Variants in GGACT observed in about 807,000 individuals in gnomAD.
GGACT encodes gamma-glutamylaminecyclotransferase.
For synonymous variants in GGACT, 118 were observed against 115.3 expected, an observed-to-expected ratio of 1.02 and a Z score of -0.15; for missense variants, 241 against 233.2, an observed-to-expected ratio of 1.03 and a Z score of -0.22.
intron 2 of GGACT, among the ~76,000 whole-genome samples, chr13:100,581,335 C>G: frequency 6.6e-6 from 1 of 152,168 alleles, no homozygotes; most frequent in East Asian, 1.9e-4. Flanking sequence ...TCTAGGGCAT[C>G]TAGCAATATT....
Position 100,530,233 on chromosome 13 carries a change from T to C in GGACT, c.*1897A>G. On this transcript the variant is annotated 3_prime_UTR_variant, in exon 3 of 3. Transcript: ENST00000683975. ...ATTTGCATGATGCTTTCACACACAA[T>C]TGATTCAAGCATTATACAGGAACAC... 2 of 1,254,542 alleles carry C rather than the reference T, an allele frequency of 1.6e-6. No individual in the cohort carries two copies. Among genetic ancestry groups the C allele is most frequent in the East Asian group, 2.3e-5 (1 of 43,234 alleles). The allele number at this position is 1,254,542 out of a possible 1,614,324, so 77.7% of individuals were successfully genotyped here.
chr13:100,563,288 G>C (rs1337374142), intron 2 of GGACT, among the ~76,000 whole-genome samples: 3 of 152,172 alleles, frequency 2.0e-5, no homozygotes, highest in Non-Finnish European at 4.4e-5. Context: ...CACAGTGACA[G>C]GTAGGGGGAT....
chr13:100,552,630 T>C (rs1448104745), intron 2 of GGACT, among the ~76,000 whole-genome samples: 1 of 152,200 alleles, frequency 6.6e-6, no homozygotes, highest in East Asian at 1.9e-4. Context: ...AAAGGTTTTC[T>C]AAGGCCAGGA....
At chr13:100,543,764 T>C (rs765636409) in intron 2 of GGACT, among the ~76,000 whole-genome samples, 1 of 152,246 alleles carries the variant, frequency 6.6e-6, no homozygotes, top group Non-Finnish European at 1.5e-5. Flanking sequence ...AGAGGGGCTC[T>C]GCCACTGGCC....
chr13:100,581,150 A>G (rs1875406294), intron 2 of GGACT, among the ~76,000 whole-genome samples: 1 of 152,222 alleles, frequency 6.6e-6, no homozygotes, highest in Admixed American at 6.5e-5. Flanking sequence ...GTCAGTACAC[A>G]CAGACATTTC....
rs941111949 is a variant in GGACT, at chr13:100,554,277, T to C, written c.-10-21676A>G. On this transcript the variant is annotated intron_variant, in intron 2 of 2. Transcript: ENST00000683975. ...GGTTCAGAAAGTTCCAAGTCATCAT[T>C]TAGTCCTCTCAGATTGAAAAAACTC... Among the ~76,000 whole-genome samples the C allele has an allele frequency of 2.6e-5, 4 of 152,308 alleles. No homozygotes were observed. In the East Asian group the frequency reaches 5.8e-4, roughly 22 times the overall value.
At chr13:100,573,316 A>T (rs1312973603) in intron 2 of GGACT, among the ~76,000 whole-genome samples, 1 of 152,106 alleles carries the variant, frequency 6.6e-6, no homozygotes, top group Non-Finnish European at 1.5e-5. Context: ...CCCCCATCCC[A>T]TGAAATATGT....
intron 2 of GGACT, among the ~76,000 whole-genome samples, chr13:100,577,418 A>AAAATAAATAAATAAATAAATAAAT (rs59417268): frequency 7.1e-6 from 1 of 141,174 alleles, no homozygotes; most frequent in East Asian, 2.1e-4. Context: ...CTCCATCTCA[A>AAAATAAATAAATAAATAAATAAAT]AAATAAATAA....
chr13:100,552,981 C>T (rs988599136), intron 2 of GGACT, among the ~76,000 whole-genome samples: 2 of 139,426 alleles, frequency 1.4e-5, no homozygotes, highest in Middle Eastern at 3.5e-3. Flanking sequence ...GGCCAGGTGG[C>T]GGGTGGCTGG....
At chr13:100,583,227 G>A (rs1000090632) in intron 2 of GGACT, among the ~76,000 whole-genome samples, 1 of 152,004 alleles carries the variant, frequency 6.6e-6, no homozygotes, top group African/African-American at 2.4e-5. Flanking sequence ...GTGTTAACAC[G>A]AATTTTTAAA....
At chr13:100,552,264 C>T (rs1391103144) in intron 2 of GGACT, among the ~76,000 whole-genome samples, 1 of 152,282 alleles carries the variant, frequency 6.6e-6, no homozygotes, top group South Asian at 2.1e-4. Flanking sequence ...CCAACAGCCC[C>T]GTGACGAGGC....
intron 2 of GGACT, among the ~76,000 whole-genome samples, chr13:100,532,883 T>C (rs2088435659): frequency 6.6e-6 from 1 of 152,226 alleles, no homozygotes; most frequent in Non-Finnish European, 1.5e-5. Flanking sequence ...CCTGTGGGCA[T>C]GGTGTTTTTG....
chr13:100,542,630 G>A (rs2088565371), intron 2 of GGACT, among the ~76,000 whole-genome samples: 1 of 152,158 alleles, frequency 6.6e-6, no homozygotes, highest in Non-Finnish European at 1.5e-5. Context: ...GCCTGCTGCT[G>A]TGGTCAGGAT....
At chr13:100,570,038 T>C (rs547789097) in intron 2 of GGACT, among the ~76,000 whole-genome samples, 137 of 152,354 alleles carry the variant, frequency 9.0e-4, no homozygotes, top group Non-Finnish European at 1.3e-3. Context: ...AGTTCCACAC[T>C]TTCCCACACC....
chr13:100,564,728 GA>G (rs902038321), intron 2 of GGACT, among the ~76,000 whole-genome samples: 1 of 152,170 alleles, frequency 6.6e-6, no homozygotes, highest in Admixed American at 6.5e-5. Flanking sequence ...ATGGCCATTT[GA>G]AAAGTGTGGA....
intron 2 of GGACT, chr13:100,535,851 C>T (rs1184254512): frequency 6.6e-6 from 1 of 152,008 alleles, no homozygotes; most frequent in Admixed American, 6.6e-5. Context: ...AATTCAGCCT[C>T]GCAGTTTCTG....
intron 2 of GGACT, among the ~76,000 whole-genome samples, chr13:100,549,382 C>T (rs538958878): frequency 5.3e-5 from 8 of 152,226 alleles, no homozygotes; most frequent in Non-Finnish European, 1.2e-4. Context: ...CCTACCTGCT[C>T]GTCTGTCCAC....
chr13:100,560,451 G>T (rs982881248), intron 2 of GGACT, among the ~76,000 whole-genome samples: 4 of 152,154 alleles, frequency 2.6e-5, no homozygotes, highest in Non-Finnish European at 5.9e-5. Flanking sequence ...AGTGAATATG[G>T]CTAGAAGTCT....
chr13:100,554,406 A>T (rs1000916856), intron 2 of GGACT, among the ~76,000 whole-genome samples: 4 of 152,178 alleles, frequency 2.6e-5, no homozygotes, highest in Non-Finnish European at 5.9e-5. Context: ...GCATTAGAAA[A>T]AGTGAGGGTG....
Sources: gnomAD v4.1 joint callset for allele counts (sites outside exome capture counted in the v4.1 genomes callset) on GRCh38, gnomAD v4.1.1 for gene constraint, MANE v1.5 for transcripts, NCBI Gene and HGNC (gene_info 2026-07-23, HGNC 2026-07-21) for gene names.